VPS13C: variants seen among roughly 807,000 people sequenced by gnomAD.
The protein encoded by VPS13C is intermembrane lipid transfer protein VPS13C.
In VPS13C, 358 loss-of-function variants were observed where a neutral mutation model predicts 456.8. The observed-to-expected ratio is 0.78, with a 90% CI of 0.72 to 0.86. The LOEUF is 0.86. Ranked by LOEUF, VPS13C falls within the 40% of genes least tolerant of loss-of-function variation. The pLI is 0.00. For synonymous variants in VPS13C, 1,578 were observed against 1,486.7 expected (o/e 1.06, Z -1.41); for missense variants, 4,818 against 4,385.4 (o/e 1.10, Z -2.79).
chr15:61,913,375 A>C lies in VPS13C; in HGVS notation c.8486T>G (p.Phe2829Cys), dbSNP rs2043360314. The change falls in exon 62 of 85, where the codon TTC becomes TGC. Residue 2829 changes from phenylalanine (F) to cysteine (C), a missense_variant. Physicochemically the swap from Phe to Cys is radical, Grantham distance 205 (BLOSUM62 -2). Coordinates refer to ENST00000644861, the MANE Select transcript of VPS13C (RefSeq NM_020821.3). ...ATAACTTCCCACTGTATCCAATGAG[A>C]AACTACTGGACCAGGCACTGGTTGA... ...KISTSAWSSSFSLDTVGSYGC... is the reference protein window; with the variant it reads ...KISTSAWSSSCSLDTVGSYGC... 3 of 1,614,004 alleles carry C rather than the reference A, an allele frequency of 1.9e-6. No homozygotes were observed. The highest frequency in any genetic ancestry group is 2.5e-6 in the Non-Finnish European group (3 of 1,179,998).
chr15:61,924,253 C>A (rs189895845), intron 53 of VPS13C, among the ~76,000 whole-genome samples: 31 of 152,294 alleles, frequency 2.0e-4, no homozygotes, highest in South Asian at 2.1e-4. Context: ...CCATGCTCCC[C>A]ATCTATTTAA....
At chr15:62,021,162 G>C (rs1487313110) in intron 8 of VPS13C, among the ~76,000 whole-genome samples, 1 of 151,816 alleles carries the variant, frequency 6.6e-6, no homozygotes, top group African/African-American at 2.4e-5. Flanking sequence ...TGAGAAGTAG[G>C]TGTAAATGAT....
chr15:62,046,161 T>C (rs1357656484), intron 1 of VPS13C, among the ~76,000 whole-genome samples: 2 of 151,912 alleles, frequency 1.3e-5, no homozygotes, highest in African/African-American at 4.8e-5. Context: ...AATACTATAG[T>C]ATATAGTAGG....
intron 8 of VPS13C, among the ~76,000 whole-genome samples, chr15:62,021,432 G>A (rs557594661): frequency 2.0e-5 from 3 of 151,920 alleles, no homozygotes; most frequent in African/African-American, 7.2e-5. Flanking sequence ...TCCAAAATCT[G>A]TCAACATTAA....
chr15:61,971,513 G>A lies in VPS13C; in HGVS notation c.2757+1112C>T, dbSNP rs181523761. 9.9e-4 allele frequency among the ~76,000 whole-genome samples: 150 copies of A among 152,156 alleles called. 1 individual carries two copies. Among genetic ancestry groups the A allele is most frequent in the African/African-American group, 3.5e-3 (144 of 41,524 alleles). ...TGACCTCAGATGATCCACCCACCTC[G>A]GGCTCCCAAAGTGCTGGGATTACAG... On this transcript the variant is annotated intron_variant, in intron 27 of 84. Coordinates refer to ENST00000644861, the MANE Select transcript of VPS13C (RefSeq NM_020821.3).
chr15:62,057,027 G>A (rs1019954007), intron 1 of VPS13C, among the ~76,000 whole-genome samples: 2 of 152,098 alleles, frequency 1.3e-5, no homozygotes, highest in Non-Finnish European at 2.9e-5. Flanking sequence ...CGCATTGGTG[G>A]TAGCGGTCCC....
At chr15:61,877,835 C>G (rs1895564569) in intron 74 of VPS13C, among the ~76,000 whole-genome samples, 1 of 151,910 alleles carries the variant, frequency 6.6e-6, no homozygotes, top group African/African-American at 2.4e-5. Context: ...AACGCCATCA[C>G]TGTGTTTTCC....
rs1177845171 is a variant in VPS13C, at chr15:61,880,856, G to T, written c.9875C>A (p.Ala3292Asp). Residue 3292 changes from alanine to aspartate, a missense_variant, in exon 72 of 85, where the codon GCT becomes GAT. Transcript: ENST00000644861. ...ALFTPTTDPE[A>D]ERRRTKLIQQ... ...AAAAATTTTTACCCGTCTTCTTTCA[G>T]CTTCAGGGTCTGTTGTTGGGGTAAA... is the stretch of plus-strand genomic sequence containing the variant. 6.9e-6 allele frequency: 11 copies of T among 1,594,028 alleles called. No individual in the cohort carries two copies. Among genetic ancestry groups the T allele is most frequent in the Non-Finnish European group, 9.4e-6 (11 of 1,174,424 alleles).
At chr15:61,970,859 TAAAA>T (rs71125959) in intron 27 of VPS13C, among the ~76,000 whole-genome samples, 435 of 125,826 alleles carry the variant, frequency 3.5e-3, no homozygotes, top group African/African-American at 0.012. Context: ...GAAGTTAGTT[TAAAA>T]AAAAAAAAAA....
In VPS13C at chr15:61,937,414, A is replaced by G. The variant is rs143094994; in HGVS notation, c.5602-664T>C. 5.9e-5 allele frequency among the ~76,000 whole-genome samples: 9 copies of G among 152,344 alleles called. No individual in the cohort carries two copies. The East Asian group carries it at 1.7e-3, about 29-fold the overall frequency. On this transcript the variant is annotated intron_variant, in intron 47 of 84. Coordinates refer to ENST00000644861, the MANE Select transcript of VPS13C (RefSeq NM_020821.3). ...CTTTGAGTCAGGCAGATCTGTATCAACTACCACTTTCAAGCTGTCTTGCTG... is the reference window on the plus strand; with the variant it reads ...CTTTGAGTCAGGCAGATCTGTATCAGCTACCACTTTCAAGCTGTCTTGCTG...
intron 6 of VPS13C, among the ~76,000 whole-genome samples, chr15:62,027,588 T>A (rs1220916321): frequency 6.6e-6 from 1 of 152,114 alleles, no homozygotes; most frequent in Non-Finnish European, 1.5e-5. Flanking sequence ...ACATGATGCT[T>A]ATTGTTTACA....
intron 3 of VPS13C, among the ~76,000 whole-genome samples, chr15:62,040,548 A>C (rs1032100676): frequency 6.6e-6 from 1 of 152,070 alleles, no homozygotes; most frequent in African/African-American, 2.4e-5. Context: ...GGGGACTCCA[A>C]AAAGGGGTAG....
At chr15:61,986,855 A>AT (rs1481349322) in intron 18 of VPS13C, among the ~76,000 whole-genome samples, 3 of 152,164 alleles carry the variant, frequency 2.0e-5, no homozygotes, top group Non-Finnish European at 4.4e-5. Context: ...TCAGAAAATC[A>AT]TTAACAACCT....
chr15:61,863,613 T>C (rs1010204964), intron 81 of VPS13C, 85 bp from the exon 82 acceptor site: 12 of 809,514 alleles, frequency 1.5e-5, no homozygotes, highest in African/African-American at 1.3e-4. Flanking sequence ...ATTATAATAA[T>C]AGTGTTAGGA....
At chr15:61,927,035 A>C in intron 52 of VPS13C, 56 bp downstream of exon 52, 1 of 1,469,136 alleles carries the variant, frequency 6.8e-7, no homozygotes, top group Non-Finnish European at 9.4e-7. Context: ...GGATTCTATG[A>C]ATCAACTGTT....
rs187751401 is a variant in VPS13C at position 61,977,721 on chromosome 15, T to G, written c.2291-522A>C. On this transcript the variant is annotated intron_variant, in intron 23 of 84. Transcript: ENST00000644861. ...CTTCAAATAAGGTCCCAAAAACAGA[T>G]TTTCCAACAACTAATAGAGTTCTAT... 1.5e-3 allele frequency among the ~76,000 whole-genome samples: 234 copies of G among 152,124 alleles called. 1 individual carries two copies. The highest frequency in any genetic ancestry group is 0.01 in the Middle Eastern group (3 of 294).
intron 66 of VPS13C, among the ~76,000 whole-genome samples, chr15:61,898,623 A>T (rs1225148220): frequency 6.6e-4 from 98 of 148,982 alleles, no homozygotes; most frequent in Admixed American, 4.9e-3. Flanking sequence ...GTGACCTACA[A>T]AGAGACTTAG....
At chr15:61,978,489 T>C in intron 23 of VPS13C, 137 bp downstream of exon 23, 1 of 1,041,638 alleles carries the variant, frequency 9.6e-7, no homozygotes, top group Non-Finnish European at 1.3e-6. Context: ...GTGTCCTACA[T>C]GGTTTATTTA....
intron 66 of VPS13C, among the ~76,000 whole-genome samples, chr15:61,896,437 G>A (rs1055939808): frequency 1.8e-4 from 27 of 152,206 alleles, no homozygotes; most frequent in African/African-American, 6.5e-4. Flanking sequence ...TGCCTCACTC[G>A]GGAAGCGCAA....
Sources: allele counts gnomAD v4.1 joint callset (sites outside exome capture counted in the v4.1 genomes callset), GRCh38; gene constraint gnomAD v4.1.1; transcripts MANE v1.5; gene names NCBI Gene and HGNC (gene_info 2026-07-23, HGNC 2026-07-21).